Variants in MDN1 observed in about 807,000 individuals in gnomAD.
The protein encoded by MDN1 is midasin.
MDN1 carries 266 observed loss-of-function variants against 669.2 expected under a neutral mutation model. The observed-to-expected ratio is 0.40, with a 90% CI of 0.36 to 0.44. MDN1 has a LOEUF of 0.44. MDN1 is among the 20% of genes least tolerant of loss of function. The pLI, the probability that MDN1 is intolerant of heterozygous loss-of-function variation, is 1.00. For synonymous variants in MDN1, 2,385 were observed against 2,457.1 expected, an observed-to-expected ratio of 0.97 and a Z score of 0.87; for missense variants, 5,940 against 6,754.0, an observed-to-expected ratio of 0.88 and a Z score of 4.22.
Position 89,803,903 on chromosome 6 carries a change from T to C in MDN1, c.103-349A>G, listed in dbSNP as rs1316206850. Among the ~76,000 whole-genome samples the C allele has an allele frequency of 4.5e-4, 46 of 102,770 alleles. No individual in the cohort carries two copies. In the South Asian group the frequency reaches 0.013, roughly 30 times the overall value. The allele number at this position is 102,770 out of a possible 152,430, so 67.4% of individuals were successfully genotyped here. A position where few individuals can be genotyped will look rare whatever the true frequency, so the allele number is the denominator to read the frequency against. ...GCCTTTTCTTTTCTTTTCTTTTTTT[T>C]TTTTTTTTTTTTTTTGGAGACAGAG... On this transcript the variant is annotated intron_variant, in intron 1 of 101. Coordinates refer to ENST00000369393, the MANE Select transcript of MDN1 (RefSeq NM_014611.3).
At chr6:89,694,265 G>T in intron 61 of MDN1, 82 bp from the exon 62 acceptor site, 2 of 1,157,742 alleles carry the variant, frequency 1.7e-6, no homozygotes, top group Non-Finnish European at 2.6e-6. Flanking sequence ...GACACGTAGA[G>T]GAACAAGATG....
chr6:89,675,389 CATG>C lies in MDN1; in HGVS notation c.12761+72_12761+74del. On this transcript the variant is annotated intron_variant, in intron 78 of 101. Transcript: ENST00000369393. ...AGAGCATGTCTTATTCCTCTCCCCA[CATG>C]CAGCAACTCTGAGCTGACTTGGATC... 4 of 1,242,496 alleles carry C rather than the reference CATG, an allele frequency of 3.2e-6. No individual in the cohort carries two copies. The South Asian group carries it at 5.2e-5, about 16-fold the overall frequency. 77.0% of individuals were successfully genotyped at this position (1,242,496 alleles called of 1,614,324 possible). A position where few individuals can be genotyped will look rare whatever the true frequency, so the allele number is the denominator to read the frequency against.
At chr6:89,692,397 T>C in intron 63 of MDN1, 46 bp downstream of exon 63, 1 of 1,536,460 alleles carries the variant, frequency 6.5e-7, no homozygotes, top group Middle Eastern at 2.2e-4. Flanking sequence ...TGAACCTGGC[T>C]CTCTGCAGGA....
At chr6:89,771,123 C>T (rs1818058543) in intron 15 of MDN1, among the ~76,000 whole-genome samples, 2 of 152,204 alleles carry the variant, frequency 1.3e-5, no homozygotes, top group African/African-American at 4.8e-5. Context: ...ATAAGCAACT[C>T]ACACCTTAAA....
intron 37 of MDN1, among the ~76,000 whole-genome samples, chr6:89,725,701 G>C (rs1250645704): frequency 1.3e-5 from 2 of 150,686 alleles, no homozygotes; most frequent in Admixed American, 1.3e-4. Context: ...CTGCTGCATA[G>C]CTGTGACCAC....
Position 89,696,006 on chromosome 6 carries a change from A to C in MDN1, c.9384-14T>G, listed in dbSNP as rs761908144. 3 of 1,597,462 alleles carry C rather than the reference A, an allele frequency of 1.9e-6. No homozygotes were observed. Among genetic ancestry groups the C allele is most frequent in the Non-Finnish European group, 1.7e-6 (2 of 1,171,082 alleles). ...GAATCCGTGCGTCTGTGGGGACAAAAAGAAAGCACTGAAAGGTTTGTACTG... is the reference window on the plus strand; with the variant it reads ...GAATCCGTGCGTCTGTGGGGACAAACAGAAAGCACTGAAAGGTTTGTACTG... On this transcript the variant is annotated splice_polypyrimidine_tract_variant and intron_variant, in intron 60 of 101. Coordinates refer to ENST00000369393, the MANE Select transcript of MDN1 (RefSeq NM_014611.3).
chr6:89,789,757 A>G, intron 7 of MDN1, 23 bp downstream of exon 7: 1 of 1,569,250 alleles, frequency 6.4e-7, no homozygotes, highest in Non-Finnish European at 8.6e-7. Context: ...TTAAGGGACA[A>G]TGAATTTCCT....
chr6:89,794,953 T>C, intron 2 of MDN1, 152 bp from the exon 3 acceptor site: 2 of 701,210 alleles, frequency 2.9e-6, no homozygotes, highest in South Asian at 1.9e-5. Flanking sequence ...TTGGTGGGAA[T>C]ATCATAGAAC....
chr6:89,794,906 A>G, intron 2 of MDN1, 105 bp from the exon 3 acceptor site: 1 of 911,034 alleles, frequency 1.1e-6, no homozygotes. Flanking sequence ...TTTCAACTTA[A>G]GCTATTTTCA....
At chr6:89,648,215 T>G (rs1808610946) in intron 98 of MDN1, 41 bp downstream of exon 98, 1 of 1,609,302 alleles carries the variant, frequency 6.2e-7, no homozygotes, top group African/African-American at 1.3e-5. Context: ...ACCAAACAGG[T>G]TGTGAAAAGT....
chr6:89,681,523 G>A (rs1811615419), intron 73 of MDN1, among the ~76,000 whole-genome samples: 1 of 151,956 alleles, frequency 6.6e-6, no homozygotes, highest in Non-Finnish European at 1.5e-5. Context: ...TCCATCAAGG[G>A]CATATTTTCA....
rs1462616215 is a variant in MDN1 at position 89,732,661 on chromosome 6, T to C, written c.4838A>G (p.Asn1613Ser). The C allele has an allele frequency of 1.9e-6, 3 of 1,614,052 alleles. No individual in the cohort carries two copies. The highest frequency in any genetic ancestry group is 2.2e-5 in the East Asian group (1 of 44,880). The stretch of plus-strand genomic sequence containing the variant: ...CAAAGCAGCTTCCTCCCCCATTTTG[T>C]TCATGAAGTTAACCCAGGACAGGAT... The part of the protein sequence containing the change: ...RDILSWVNFM[N>S]KMGEEAALKR... The change falls in exon 34 of 102, where the codon AAC becomes AGC. Residue 1613 changes from asparagine to serine, a missense_variant. Asn to Ser is a conservative substitution (Grantham distance 46, BLOSUM62 1). This residue lies in a region of MDN1 where 2,292 missense variants were observed against 2,638.3 expected (regional missense o/e 0.87). Coordinates refer to ENST00000369393, the MANE Select transcript of MDN1 (RefSeq NM_014611.3).
chr6:89,717,939 C>A (rs1046096696), intron 43 of MDN1, among the ~76,000 whole-genome samples: 2 of 152,174 alleles, frequency 1.3e-5, no homozygotes, highest in African/African-American at 2.4e-5. Context: ...AGAGAAATTT[C>A]CATGTTAATT....
chr6:89,756,456 C>T, intron 19 of MDN1, 66 bp from the exon 20 acceptor site: 1 of 734,354 alleles, frequency 1.4e-6, no homozygotes, highest in Middle Eastern at 3.5e-4. Context: ...AATAGAAAAA[C>T]ATGAAACAGA....
chr6:89,747,479 G>A lies in MDN1; in HGVS notation c.3763-9C>T, dbSNP rs1224652431. The A allele has an allele frequency of 2.5e-6, 4 of 1,608,690 alleles. No individual in the cohort carries two copies. Among genetic ancestry groups the A allele is most frequent in the Non-Finnish European group, 3.4e-6 (4 of 1,178,642 alleles). ...GAACTTCTGCGATAGGACTGTTGAA[G>A]TATCAAAACAAATGAAAAGGGGCAT... On this transcript the variant is annotated splice_polypyrimidine_tract_variant and intron_variant, in intron 26 of 101. Transcript: ENST00000369393.
Position 89,746,776 on chromosome 6 carries a change from T to C in MDN1, c.3904+553A>G, listed in dbSNP as rs558611561. On this transcript the variant is annotated intron_variant, in intron 27 of 101. Transcript: ENST00000369393. ...CCCATTAATCAATCATCAGCACTTT[T>C]CAAATCAGAAGATTCCAAAACACTT... 3.9e-5 allele frequency among the ~76,000 whole-genome samples: 6 copies of C among 152,334 alleles called. No individual in the cohort carries two copies. In the South Asian group the frequency reaches 1.2e-3, roughly 32 times the overall value.
In MDN1 at chr6:89,785,556, T is replaced by A. The variant is rs112134711; in HGVS notation, c.1335-430A>T. 5.8e-3 allele frequency among the ~76,000 whole-genome samples: 880 copies of A among 152,248 alleles called. 10 individuals carry two copies. Among genetic ancestry groups the A allele is most frequent in the African/African-American group, 0.02 (836 of 41,528 alleles). ...TAAAAATTTCCAGAAGAGAAAAAAGTAGAGAAGGAATATACATTAAACATA... is the reference window on the plus strand; with the variant it reads ...TAAAAATTTCCAGAAGAGAAAAAAGAAGAGAAGGAATATACATTAAACATA... On this transcript the variant is annotated intron_variant, in intron 8 of 101. Coordinates refer to ENST00000369393, the MANE Select transcript of MDN1 (RefSeq NM_014611.3).
In MDN1 at chr6:89,754,166, G is replaced by A. The variant is rs1293189614; in HGVS notation, c.2881C>T (p.His961Tyr). The change falls in exon 21 of 102, where the codon CAC (histidine) becomes TAC (tyrosine). Residue 961 changes from histidine (H) to tyrosine (Y), a missense_variant. By Grantham distance (83) the His-to-Tyr change is moderately conservative. Around this residue, in one of 5 missense-constraint regions of MDN1, gnomAD observed 1,203 missense variants for 1,268.9 expected, o/e 0.95. Transcript: ENST00000369393. ...KLVDGTGHRP[H>Y]YSLRTLCRAL... Reference sequence around the variant, plus strand: ...CGGCACAGAGTCCGAAGGCTGTAGTGAGGTCTATGGCCAGTGCCATCCACC... The same window carrying A: ...CGGCACAGAGTCCGAAGGCTGTAGTAAGGTCTATGGCCAGTGCCATCCACC... The A allele has an allele frequency of 6.2e-7, 1 of 1,614,012 alleles. No homozygotes were observed. Among genetic ancestry groups the A allele is most frequent in the Non-Finnish European group, 8.5e-7 (1 of 1,179,994 alleles).
Position 89,803,406 on chromosome 6 carries a change from C to T in MDN1, c.251G>A (p.Gly84Asp). The T allele has an allele frequency of 6.2e-7, 1 of 1,613,996 alleles. No individual in the cohort carries two copies. The highest frequency in any genetic ancestry group is 1.1e-5 in the South Asian group (1 of 91,078). ...ERNAEAIKAG[G>D]QINHDLHERL... Reference sequence around the variant, plus strand: ...TTCATGCAGATCATGGTTGATTTGGCCTCCAGCTTTAATGGCTTCGGCATT... The same window carrying T: ...TTCATGCAGATCATGGTTGATTTGGTCTCCAGCTTTAATGGCTTCGGCATT... Residue 84 changes from glycine (G) to aspartate (D), a missense_variant, in exon 2 of 102, where the codon GGC (glycine) becomes GAC (aspartate). Coordinates refer to ENST00000369393, the MANE Select transcript of MDN1 (RefSeq NM_014611.3).
Sources: allele counts gnomAD v4.1 joint callset (sites outside exome capture counted in the v4.1 genomes callset), GRCh38; gene constraint gnomAD v4.1.1; regional missense constraint gnomAD v4.1.1; transcripts MANE v1.5; gene names NCBI Gene and HGNC (gene_info 2026-07-23, HGNC 2026-07-21).